KAZN: variants seen among roughly 807,000 people sequenced by gnomAD.
KAZN encodes the protein kazrin, periplakin interacting protein.
In KAZN, 40 loss-of-function variants were observed where a neutral mutation model predicts 87.4. The observed-to-expected ratio is 0.46, with a 90% CI of 0.36 to 0.60. The LOEUF is 0.60. Ranked by LOEUF, KAZN falls within the 20% of genes least tolerant of loss-of-function variation. The pLI is 0.00. For missense variants in KAZN, 898 were observed against 1,073.9 expected (o/e 0.84, Z 2.29); for synonymous variants, 466 against 458.3 (o/e 1.02, Z -0.22).
chr1:14,567,941 C>T (rs988491525), intron 2 of KAZN, among the ~76,000 whole-genome samples: 1 of 152,154 alleles, frequency 6.6e-6, no homozygotes. Flanking sequence ...CTATATAAAC[C>T]CCCTCGCTTC....
chr1:14,071,428 A>G (rs1287009275), intron 1 of KAZN, among the ~76,000 whole-genome samples: 2 of 152,206 alleles, frequency 1.3e-5, no homozygotes, highest in Non-Finnish European at 2.9e-5. Flanking sequence ...ATAGGTTCTA[A>G]GAGTACAAAG....
At chr1:14,517,948 A>T in intron 2 of KAZN, among the ~76,000 whole-genome samples, 1 of 152,168 alleles carries the variant, frequency 6.6e-6, no homozygotes, top group East Asian at 1.9e-4. Flanking sequence ...AGAGTACAGG[A>T]AATGAAGCTA....
intron 1 of KAZN, among the ~76,000 whole-genome samples, chr1:14,871,649 A>T (rs1572696617): frequency 1.4e-5 from 2 of 144,648 alleles, no homozygotes; most frequent in African/African-American, 2.6e-5. Flanking sequence ...CATGAGCAGC[A>T]GTGTGTGTGT....
intron 1 of KAZN, among the ~76,000 whole-genome samples, chr1:14,783,217 T>A (rs897151339): frequency 6.6e-5 from 10 of 152,154 alleles, no homozygotes; most frequent in Admixed American, 1.3e-4. Flanking sequence ...CAGCACCTAA[T>A]ACCTGTCTGG....
chr1:14,377,485 A>G (rs1177824854), intron 2 of KAZN, among the ~76,000 whole-genome samples: 4 of 152,180 alleles, frequency 2.6e-5, no homozygotes, highest in Non-Finnish European at 5.9e-5. Flanking sequence ...ACAAGCAGAG[A>G]AACAGTCTCT....
chr1:14,409,883 AAGG>A (rs1413154456), intron 2 of KAZN, among the ~76,000 whole-genome samples: 1 of 152,228 alleles, frequency 6.6e-6, no homozygotes, highest in African/African-American at 2.4e-5. Flanking sequence ...CAGATACTCT[AAGG>A]AGGAAAGTAG....
intron 2 of KAZN, among the ~76,000 whole-genome samples, chr1:14,225,552 A>G (rs1193202444): frequency 2.6e-5 from 4 of 152,220 alleles, no homozygotes; most frequent in Non-Finnish European, 4.4e-5. Flanking sequence ...TGAAACAAAA[A>G]AATAAGCCTG....
At chr1:14,421,071 C>T (rs531176456) in intron 2 of KAZN, among the ~76,000 whole-genome samples, 29 of 152,328 alleles carry the variant, frequency 1.9e-4, no homozygotes, top group East Asian at 5.8e-4. Context: ...GCTGCCAGCA[C>T]GCTGCCCTCT....
Position 14,765,682 on chromosome 1 carries a change from C to T in KAZN, c.226+166459C>T, listed in dbSNP as rs753848617. Among the ~76,000 whole-genome samples the T allele has an allele frequency of 5.3e-4, 80 of 152,198 alleles. 1 individual carries two copies. The highest frequency in any genetic ancestry group is 9.1e-4 in the Non-Finnish European group (62 of 68,030). ...TGGTAGAAAGAGCCCCAGATCTCAGCGCAGCTCAGAGAGTGCCTCAGCCAG... is the reference window on the plus strand; with the variant it reads ...TGGTAGAAAGAGCCCCAGATCTCAGTGCAGCTCAGAGAGTGCCTCAGCCAG... On this transcript the variant is annotated intron_variant, in intron 1 of 14. Coordinates refer to ENST00000376030, the MANE Select transcript of KAZN (RefSeq NM_201628.3).
At chr1:13,970,725 A>G (rs12024045) in intron 1 of KAZN, among the ~76,000 whole-genome samples, 31,910 of 152,080 alleles carry the variant, frequency 0.21, 3,647 homozygotes, top group African/African-American at 0.3. Flanking sequence ...CTTAACAATG[A>G]CTTTCTTTGG....
chr1:14,240,325 C>T (rs1445592661), intron 2 of KAZN, among the ~76,000 whole-genome samples: 2 of 152,232 alleles, frequency 1.3e-5, no homozygotes, highest in African/African-American at 4.8e-5. Context: ...CACGCGACAC[C>T]TCTGTGTGCC....
chr1:14,884,378 G>A (rs538022817), intron 1 of KAZN, among the ~76,000 whole-genome samples: 3 of 152,026 alleles, frequency 2.0e-5, no homozygotes, highest in Non-Finnish European at 4.4e-5. Context: ...GCAACAGAGC[G>A]AGACTCCATC....
rs965632334 is a variant in KAZN at position 14,212,295 on chromosome 1, C to T, written c.249+31703C>T. Among the ~76,000 whole-genome samples the T allele has an allele frequency of 2.6e-5, 4 of 152,096 alleles. No homozygotes were observed. The South Asian group carries it at 6.2e-4, about 24-fold the overall frequency. On this transcript the variant is annotated intron_variant, in intron 2 of 16. Coordinates refer to the KAZN transcript ENST00000636203. ...GGAGGGGAGCTGTGATTGACGAAAC[C>T]TCTCTTTGACCATCTGTTTCTTTCC... is the stretch of plus-strand genomic sequence containing the variant.
chr1:14,619,443 C>G (rs926239063), intron 1 of KAZN, among the ~76,000 whole-genome samples: 23 of 152,250 alleles, frequency 1.5e-4, no homozygotes, highest in African/African-American at 5.3e-4. Flanking sequence ...TCAAGCAATC[C>G]TCCCACCTCA....
At position 14,071,205 on chromosome 1, in the gene KAZN, T is replaced by A. The variant is rs149666796; in HGVS notation, c.92-109230T>A. 2.6e-4 allele frequency among the ~76,000 whole-genome samples: 39 copies of A among 152,240 alleles called. No individual in the cohort carries two copies. The East Asian group carries it at 6.8e-3, about 26-fold the overall frequency. On this transcript the variant is annotated intron_variant, in intron 1 of 16. Transcript: ENST00000636203. ...CACAGAGTTTAGCTGCAGGTGTCACTCTTGCCTGCAGTTAAATGGACCCAA... is the reference window on the plus strand; with the variant it reads ...CACAGAGTTTAGCTGCAGGTGTCACACTTGCCTGCAGTTAAATGGACCCAA...
At chr1:14,166,886 T>C (rs1226033264) in intron 1 of KAZN, among the ~76,000 whole-genome samples, 3 of 152,220 alleles carry the variant, frequency 2.0e-5, no homozygotes, top group Admixed American at 6.5e-5. Flanking sequence ...CTCATTCTCC[T>C]CCAGGTACAA....
At chr1:15,050,206 AATAGAATAG>A (rs1674232615) in intron 4 of KAZN, among the ~76,000 whole-genome samples, 5 of 151,874 alleles carry the variant, frequency 3.3e-5, no homozygotes, top group Non-Finnish European at 4.4e-5. Flanking sequence ...AATAGAATAG[AATAGAATAG>A]AATAGAACCT....
At chr1:13,939,718 A>G (rs1438202945) in intron 1 of KAZN, among the ~76,000 whole-genome samples, 1 of 152,228 alleles carries the variant, frequency 6.6e-6, no homozygotes, top group Non-Finnish European at 1.5e-5. Flanking sequence ...TTTATAAAGA[A>G]AAGAGATGTA....
intron 8 of KAZN, among the ~76,000 whole-genome samples, chr1:15,082,127 C>T (rs544450568): frequency 2.6e-5 from 4 of 152,062 alleles, no homozygotes; most frequent in Non-Finnish European, 5.9e-5. Context: ...CTCACTGCCT[C>T]AACTCTGCCT....
Sources: allele counts gnomAD v4.1 joint callset (sites outside exome capture counted in the v4.1 genomes callset), GRCh38; gene constraint gnomAD v4.1.1; transcripts MANE v1.5; gene names NCBI Gene and HGNC (gene_info 2026-07-23, HGNC 2026-07-21).